The following EPHA6 variants were observed in gnomAD, a reference collection of about 807,000 sequenced individuals.
The protein encoded by EPHA6 is EPH receptor A6.
Under a neutral mutation model 112.0 loss-of-function variants are expected in EPHA6, and 50 were observed. The observed-to-expected ratio is 0.45, with a 90% CI of 0.36 to 0.56. EPHA6 has a LOEUF of 0.56. Ranked by LOEUF, EPHA6 falls within the 20% of genes least tolerant of loss-of-function variation. EPHA6 has a pLI of 0.00. For synonymous variants in EPHA6, 529 were observed against 490.7 expected (o/e 1.08, Z -1.03); for missense variants, 1,280 against 1,417.4 (o/e 0.90, Z 1.56).
intron 2 of EPHA6, among the ~76,000 whole-genome samples, chr3:96,984,123 G>A (rs575211363): frequency 1.3e-5 from 2 of 152,226 alleles, no homozygotes; most frequent in Admixed American, 1.3e-4. Flanking sequence ...GAGGGGGAGA[G>A]GTGCTCTGGT....
At chr3:96,825,550 T>C (rs1031533144) in intron 1 of EPHA6, among the ~76,000 whole-genome samples, 2 of 151,928 alleles carry the variant, frequency 1.3e-5, no homozygotes, top group South Asian at 4.1e-4. Flanking sequence ...AAATATTTGT[T>C]TTTAGTAGTA....
chr3:97,307,967 T>C (rs781427465), intron 5 of EPHA6, among the ~76,000 whole-genome samples: 2 of 151,718 alleles, frequency 1.3e-5, no homozygotes, highest in African/African-American at 2.4e-5. Flanking sequence ...AGTCTCTTCT[T>C]CTCTCCCATC....
At chr3:97,246,407 A>C (rs1003748559) in intron 5 of EPHA6, among the ~76,000 whole-genome samples, 2 of 151,868 alleles carry the variant, frequency 1.3e-5, no homozygotes, top group Non-Finnish European at 2.9e-5. Flanking sequence ...CTGCTTATCA[A>C]AAGGATAAAA....
At chr3:97,261,542 G>A (rs1410005472) in intron 5 of EPHA6, among the ~76,000 whole-genome samples, 1 of 152,124 alleles carries the variant, frequency 6.6e-6, no homozygotes, top group Non-Finnish European at 1.5e-5. Context: ...TCTCTCATTT[G>A]TTTTTCTCTA....
At chr3:97,191,475 C>A (rs2108478925) in intron 3 of EPHA6, among the ~76,000 whole-genome samples, 1 of 152,072 alleles carries the variant, frequency 6.6e-6, no homozygotes, top group East Asian at 1.9e-4. Flanking sequence ...TCCCCCAGTA[C>A]CTTCCCAGCC....
intron 2 of EPHA6, among the ~76,000 whole-genome samples, chr3:96,968,859 T>G (rs1400172497): frequency 6.6e-6 from 1 of 151,892 alleles, no homozygotes; most frequent in Non-Finnish European, 1.5e-5. Context: ...TTAATGAAAC[T>G]TTTTCTAAAG....
chr3:97,401,705 G>A (rs1015577037), intron 5 of EPHA6, among the ~76,000 whole-genome samples: 1 of 151,248 alleles, frequency 6.6e-6, no homozygotes. Context: ...TCTTCTACTA[G>A]TTTTGGGCTT....
At chr3:96,942,207 C>G (rs1175438248) in intron 2 of EPHA6, among the ~76,000 whole-genome samples, 2 of 152,192 alleles carry the variant, frequency 1.3e-5, no homozygotes, top group Non-Finnish European at 1.5e-5. Context: ...TGCCCTGCCC[C>G]CAGAGGTGGA....
intron 3 of EPHA6, among the ~76,000 whole-genome samples, chr3:96,995,921 T>A (rs2043404122): frequency 6.6e-6 from 1 of 152,126 alleles, no homozygotes; most frequent in Non-Finnish European, 1.5e-5. Flanking sequence ...AACAATGAAG[T>A]TAGCCACTTC....
intron 14 of EPHA6, among the ~76,000 whole-genome samples, chr3:97,677,224 GT>G (rs2031467464): frequency 6.6e-6 from 1 of 152,078 alleles, no homozygotes; most frequent in South Asian, 2.1e-4. Flanking sequence ...AGTGCTACAT[GT>G]GTAAAATACA....
intron 5 of EPHA6, among the ~76,000 whole-genome samples, chr3:97,384,708 T>A (rs2109033213): frequency 1.3e-5 from 2 of 152,336 alleles, no homozygotes; most frequent in South Asian, 4.1e-4. Context: ...TGGTAATTTT[T>A]TTATTTTAGA....
Position 97,070,603 on chromosome 3 carries a change from T to C in EPHA6, c.1114+82610T>C, listed in dbSNP as rs566710726. 6.6e-5 allele frequency among the ~76,000 whole-genome samples: 10 copies of C among 152,300 alleles called. No individual in the cohort carries two copies. The East Asian group carries it at 1.9e-3, about 29-fold the overall frequency. On this transcript the variant is annotated intron_variant, in intron 3 of 17. Transcript: ENST00000389672. ...GAATTATGTAGTGTTCTTACCCTAA[T>C]ATTTTTCTTTTTACAATTTGTAAAT...
chr3:97,194,014 C>CA (rs1206135572), intron 3 of EPHA6, among the ~76,000 whole-genome samples: 1 of 151,660 alleles, frequency 6.6e-6, no homozygotes, highest in African/African-American at 2.4e-5. Flanking sequence ...CTTATTTATT[C>CA]AAAAAAACAA....
In EPHA6 at chr3:96,814,883, G is replaced by A. The variant is rs1276646538; in HGVS notation, c.260G>A (p.Arg87Lys). The stretch of plus-strand genomic sequence containing the variant: ...TGCCGCCACTTCTCTTTAAGGGAGA[G>A]GAAAAGAGAGCCTAGGAGAACCATG... ...LRCRHFSLRE[R>K]KREPRRTMGG... Residue 87 changes from arginine to lysine, a missense_variant, in exon 1 of 18, where the codon AGG becomes AAG. By Grantham distance (26) the Arg-to-Lys change is conservative. Coordinates refer to ENST00000389672, the MANE Select transcript of EPHA6 (RefSeq NM_001080448.3). The A allele has an allele frequency of 1.3e-6, 2 of 1,555,586 alleles. No homozygotes were observed. The highest frequency in any genetic ancestry group is 1.7e-6 in the Non-Finnish European group (2 of 1,149,004).
chr3:96,892,963 T>C (rs530722068), intron 2 of EPHA6, among the ~76,000 whole-genome samples: 1,567 of 132,306 alleles, frequency 0.012, 25 homozygotes, highest in African/African-American at 0.042. Context: ...TATGTGTGTG[T>C]GTGTGTGTGT....
intron 5 of EPHA6, among the ~76,000 whole-genome samples, chr3:97,386,542 C>T (rs901315706): frequency 6.6e-5 from 10 of 152,190 alleles, no homozygotes; most frequent in African/African-American, 2.4e-4. Flanking sequence ...CTTCTACAGC[C>T]TTGGGCAGCT....
At chr3:97,463,935 G>T (rs1254940510) in intron 7 of EPHA6, among the ~76,000 whole-genome samples, 1 of 152,126 alleles carries the variant, frequency 6.6e-6, no homozygotes, top group Non-Finnish European at 1.5e-5. Context: ...GTTAAGCAAA[G>T]AGGAATGAAG....
chr3:97,003,052 A>T (rs2043727570), intron 3 of EPHA6, among the ~76,000 whole-genome samples: 2 of 152,066 alleles, frequency 1.3e-5, no homozygotes, highest in African/African-American at 4.8e-5. Flanking sequence ...GTAGGGGTTG[A>T]TATTGGGGAG....
chr3:97,039,968 T>C (rs1392625687), intron 3 of EPHA6, among the ~76,000 whole-genome samples: 1 of 151,918 alleles, frequency 6.6e-6, no homozygotes, highest in Non-Finnish European at 1.5e-5. Context: ...CTGAACAACT[T>C]AAAACTGGAC....
Sources: gnomAD v4.1 joint callset for allele counts (sites outside exome capture counted in the v4.1 genomes callset) on GRCh38, gnomAD v4.1.1 for gene constraint, MANE v1.5 for transcripts, NCBI Gene and HGNC (gene_info 2026-07-23, HGNC 2026-07-21) for gene names.